The following GSDME variants were observed in gnomAD, a reference collection of about 807,000 sequenced individuals.
GSDME encodes gasdermin-E.
In GSDME, 44 loss-of-function variants were observed where a neutral mutation model predicts 47.5. The ratio of observed to expected loss-of-function variants is 0.93; its 90% confidence interval spans 0.73 to 1.19. GSDME has a LOEUF of 1.19. Ranked by LOEUF, GSDME falls within the 50% of genes most tolerant of loss-of-function variation. GSDME has a pLI of 0.00. For synonymous variants in GSDME, 258 were observed against 252.8 expected, an observed-to-expected ratio of 1.02 and a Z score of -0.20; for missense variants, 663 against 604.2, an observed-to-expected ratio of 1.10 and a Z score of -1.02.
At chr7:24,719,331 TTG>T in intron 3 of GSDME, 113 bp from the exon 4 acceptor site, 2 of 1,171,184 alleles carry the variant, frequency 1.7e-6, no homozygotes, top group African/African-American at 1.5e-5. Context: ...CAGCCAGGCT[TTG>T]TTGATTTCCT....
chr7:24,700,333 T>A lies in GSDME; in HGVS notation c.1258-1074A>T, dbSNP rs550319915. On this transcript the variant is annotated intron_variant, in intron 9 of 9. Transcript: ENST00000645220. ...TGAAATATTTGATTTGCTTTTAGGG[T>A]CTTGATCTGTACCCGTAATATTTTA... Among the ~76,000 whole-genome samples, 8 of 152,258 alleles carry A rather than the reference T, an allele frequency of 5.3e-5. No homozygotes were observed. In the South Asian group the frequency reaches 1.7e-3, roughly 32 times the overall value.
chr7:24,765,563 C>T, the GSDME span, among the ~76,000 whole-genome samples: 4 of 152,306 alleles, frequency 2.6e-5, no homozygotes, highest in South Asian at 2.1e-4. Context: ...TGTTTCTGTA[C>T]GTCACTCCCC....
At position 24,725,046 on chromosome 7, in the gene GSDME, T is replaced by C. The variant is rs984972527; in HGVS notation, c.405-5828A>G. Among the ~76,000 whole-genome samples, 3 of 152,226 alleles carry C rather than the reference T, an allele frequency of 2.0e-5. No individual in the cohort carries two copies. The highest frequency in any genetic ancestry group is 7.2e-5 in the African/African-American group (3 of 41,454). Reference sequence around the variant, plus strand: ...TTCTGGAGGCCTCACCAAGAGCAGATGCTGGCACCATGCTTCCTGTACAGC... The same window carrying C: ...TTCTGGAGGCCTCACCAAGAGCAGACGCTGGCACCATGCTTCCTGTACAGC... On this transcript the variant is annotated intron_variant, in intron 3 of 9. Transcript: ENST00000645220. The surrounding 1 kb of genome is among the most constrained non-coding windows in gnomAD (Gnocchi z 5.1).
the GSDME span, among the ~76,000 whole-genome samples, chr7:24,763,513 AG>A: frequency 5.4e-3 from 817 of 152,252 alleles, 13 homozygotes; most frequent in African/African-American, 0.019. The surrounding 1 kb of genome is among the most constrained non-coding windows in gnomAD (Gnocchi z 4.3). Flanking sequence ...ATGCTGGACA[AG>A]GGATGATTTG....
chr7:24,717,492 C>G (rs1224152931), intron 4 of GSDME, 118 bp from the exon 5 acceptor site: 11 of 1,492,572 alleles, frequency 7.4e-6, no homozygotes. Context: ...GTCCACAGAA[C>G]CGAGTGGAAC....
At chr7:24,784,463 T>C in the GSDME span, among the ~76,000 whole-genome samples, 4 of 151,776 alleles carry the variant, frequency 2.6e-5, no homozygotes, top group Admixed American at 2.0e-4. Context: ...AGATCTGAGA[T>C]CCCCCGGCAA....
intron 3 of GSDME, among the ~76,000 whole-genome samples, chr7:24,734,245 C>G (rs888676753): frequency 6.6e-6 from 1 of 152,212 alleles, no homozygotes; most frequent in Non-Finnish European, 1.5e-5. Flanking sequence ...AATGCAGATA[C>G]AGCTGCAGTG....
chr7:24,781,040 A>G, the GSDME span, among the ~76,000 whole-genome samples: 1 of 152,168 alleles, frequency 6.6e-6, no homozygotes. Context: ...TCTTGCACAC[A>G]TTGGTCTAGT....
At chr7:24,758,043 C>T (rs532918748), upstream of GSDME, 2 of 152,444 alleles carry the variant, frequency 1.3e-5, no homozygotes, top group South Asian at 4.1e-4. The surrounding 1 kb of genome is among the most constrained non-coding windows in gnomAD (Gnocchi z 4.6). Context: ...CAGGCGCTCT[C>T]ACACACTGGG....
rs1030716986 is a variant in GSDME, at chr7:24,757,351, G to C, written c.-20+45C>G. ...AAACAGACCAAAGAGGATCCGGAGTGGAGCCCGGAGCGGATCCCGCAGCCC... is the reference window on the plus strand; with the variant it reads ...AAACAGACCAAAGAGGATCCGGAGTCGAGCCCGGAGCGGATCCCGCAGCCC... On this transcript the variant is annotated intron_variant, in intron 1 of 9. Coordinates refer to ENST00000645220, the MANE Select transcript of GSDME (RefSeq NM_001127453.2). This position sits in a 1 kb window ranked among gnomAD's most constrained non-coding sequence, Gnocchi z 5.9. 1.3e-5 allele frequency: 2 copies of C among 152,264 alleles called. No homozygotes were observed. Among genetic ancestry groups the C allele is most frequent in the African/African-American group, 4.8e-5 (2 of 41,448 alleles). 9.4% of individuals were successfully genotyped at this position (152,264 alleles called of 1,614,324 possible).
At chr7:24,771,511 G>C in the GSDME span, among the ~76,000 whole-genome samples, 2 of 152,160 alleles carry the variant, frequency 1.3e-5, no homozygotes, top group Non-Finnish European at 2.9e-5. The surrounding 1 kb of genome is among the most constrained non-coding windows in gnomAD (Gnocchi z 4.1). Flanking sequence ...AGGTCCTTTG[G>C]TGCAGTAGAA....
Position 24,702,763 on chromosome 7 carries a change from G to GT in GSDME, c.1253dup (p.His418GlnfsTer8). On this transcript the variant is annotated frameshift_variant, in exon 9 of 10. Coordinates refer to ENST00000645220, the MANE Select transcript of GSDME (RefSeq NM_001127453.2). LOFTEE classifies it low-confidence loss of function (END_TRUNC). ...TCCCACCTGGGAGGTTGCTTACCAA[G>GT]TGGCACAGTGTGGGAATGATCTGGA... The GT allele has an allele frequency of 6.2e-7, 1 of 1,613,228 alleles. No homozygotes were observed. The highest frequency in any genetic ancestry group is 2.2e-5 in the East Asian group (1 of 44,814).
At chr7:24,787,941 G>A in the GSDME span, among the ~76,000 whole-genome samples, 1 of 152,158 alleles carries the variant, frequency 6.6e-6, no homozygotes, top group African/African-American at 2.4e-5. The surrounding 1 kb of genome is among the most constrained non-coding windows in gnomAD (Gnocchi z 5.0). Flanking sequence ...TCTTGGCCTT[G>A]TGACCTGCCC....
At chr7:24,718,171 G>A (rs770941849) in intron 4 of GSDME, among the ~76,000 whole-genome samples, 4 of 152,168 alleles carry the variant, frequency 2.6e-5, no homozygotes, top group Non-Finnish European at 4.4e-5. Context: ...CGCCTCCCTC[G>A]CTGCTACCCA....
Position 24,717,240 on chromosome 7 carries a change from G to A in GSDME, c.697+14C>T, listed in dbSNP as rs1789598568. The A allele has an allele frequency of 7.0e-7, 1 of 1,434,316 alleles. No individual in the cohort carries two copies. The highest frequency in any genetic ancestry group is 1.5e-5 in the African/African-American group (1 of 67,448). The allele number at this position is 1,434,316 out of a possible 1,614,324, so 88.8% of individuals were successfully genotyped here. A position where few individuals can be genotyped will look rare whatever the true frequency, so the allele number is the denominator to read the frequency against. On this transcript the variant is annotated intron_variant, in intron 5 of 9. Transcript: ENST00000645220. ...GCTGGGGATCCCTCAGCACCCATAGGAGGTGGCACTCACCGAACTGGCCGT... is the reference window on the plus strand; with the variant it reads ...GCTGGGGATCCCTCAGCACCCATAGAAGGTGGCACTCACCGAACTGGCCGT...
At chr7:24,717,194 CCCTCTGCTGAGGGAT>C in intron 5 of GSDME, 45 bp downstream of exon 5, 2 of 1,601,790 alleles carry the variant, frequency 1.2e-6, no homozygotes, top group Non-Finnish European at 1.7e-6. Context: ...GCAGTCAAGT[CCCTCTGCTGAGGGAT>C]CCTCTGCTGG....
Position 24,710,278 on chromosome 7 carries a change from C to T in GSDME, c.808G>A (p.Asp270Asn), listed in dbSNP as rs767177221. Residue 270 changes from aspartate (D) to asparagine (N), a missense_variant, in exon 6 of 10, where the codon GAT becomes AAT. Physicochemically the swap from Asp to Asn is conservative, Grantham distance 23 (BLOSUM62 1). Coordinates refer to ENST00000645220, the MANE Select transcript of GSDME (RefSeq NM_001127453.2). Reference sequence around the variant, plus strand: ...TGGGAAGATATCCCATGCGCAGCATCTGGCATGTCTATGAATGCAAACTCT... The same window carrying T: ...TGGGAAGATATCCCATGCGCAGCATTTGGCATGTCTATGAATGCAAACTCT... ...FREFAFIDMP[D>N]AAHGISSQDG... 6.2e-7 allele frequency: 1 copy of T among 1,614,138 alleles called. No homozygotes were observed. Among genetic ancestry groups the T allele is most frequent in the Non-Finnish European group, 8.5e-7 (1 of 1,180,044 alleles).
At chr7:24,769,358 C>T in the GSDME span, among the ~76,000 whole-genome samples, 1 of 152,152 alleles carries the variant, frequency 6.6e-6, no homozygotes. Context: ...CAGGTTCTCA[C>T]AGGGAATATC....
the GSDME span, among the ~76,000 whole-genome samples, chr7:24,779,485 G>C: frequency 0.049 from 6,859 of 139,394 alleles, 234 homozygotes; most frequent in South Asian, 0.15. This position sits in a 1 kb window ranked among gnomAD's most constrained non-coding sequence, Gnocchi z 6.0. Context: ...CCCAGGGTGG[G>C]GAAGTGATAC....
Sources: gnomAD v4.1 joint callset for allele counts (sites outside exome capture counted in the v4.1 genomes callset) on GRCh38, gnomAD v4.1.1 for gene constraint, Gnocchi (gnomAD v3.1) non-coding constraint, MANE v1.5 for transcripts, NCBI Gene and HGNC (gene_info 2026-07-23, HGNC 2026-07-21) for gene names.